The following SDC3 variants were observed in gnomAD, a reference collection of about 807,000 sequenced individuals.
The protein encoded by SDC3 is syndecan 3.
A neutral mutation model predicts 24.4 loss-of-function variants in SDC3; 13 were observed. The observed-to-expected ratio is 0.53, with a 90% CI of 0.35 to 0.85. The LOEUF (loss-of-function observed/expected upper bound fraction) is 0.85. Ranked by LOEUF, SDC3 falls within the 40% of genes least tolerant of loss-of-function variation. The probability of loss-of-function intolerance (pLI) is 0.01; values close to 1 mark genes in which losing one functional copy is unlikely to be tolerated. For missense variants in SDC3, 571 were observed against 584.5 expected, an observed-to-expected ratio of 0.98 and a Z score of 0.24; for synonymous variants, 295 against 260.9, an observed-to-expected ratio of 1.13 and a Z score of -1.26.
At chr1:30,883,990 C>T (rs1297997906) in intron 1 of SDC3, among the ~76,000 whole-genome samples, 2 of 152,122 alleles carry the variant, frequency 1.3e-5, no homozygotes, top group African/African-American at 2.4e-5. Context: ...AGAGCATCAC[C>T]GCAGGAATGT....
chr1:30,873,744 C>A (rs1165201522), intron 4 of SDC3, among the ~76,000 whole-genome samples: 1 of 152,140 alleles, frequency 6.6e-6, no homozygotes, highest in Non-Finnish European at 1.5e-5. Context: ...GAAGACTTAA[C>A]ATGTGAACAG....
chr1:30,878,345 T>A, intron 2 of SDC3: 1 of 332,352 alleles, frequency 3.0e-6, no homozygotes, highest in Non-Finnish European at 5.6e-6. Flanking sequence ...CCAAGCAAGG[T>A]CTGCAGAGAA....
At chr1:30,890,273 C>A (rs1279390943) in intron 1 of SDC3, among the ~76,000 whole-genome samples, 2 of 152,142 alleles carry the variant, frequency 1.3e-5, no homozygotes, top group Admixed American at 1.3e-4. Context: ...TGCCATTGCA[C>A]CCCAGCCTGG....
intron 1 of SDC3, among the ~76,000 whole-genome samples, chr1:30,891,749 A>T (rs1369883026): frequency 6.6e-6 from 1 of 151,742 alleles, no homozygotes; most frequent in South Asian, 2.1e-4. Flanking sequence ...GCTACTCAGA[A>T]GGCTGAGGCA....
rs1281061966 is a variant in SDC3 at position 30,869,746 on chromosome 1, T to C, written c.*3465A>G. On this transcript the variant is annotated 3_prime_UTR_variant, in exon 5 of 5. Transcript: ENST00000339394. ...GGGGAGAGAAGGGGCAGGGAAGGCC[T>C]GGGGGAGGGAATGGCAGACCCCCAC... 1.0e-5 allele frequency: 4 copies of C among 398,484 alleles called. 1 individual carries two copies. The highest frequency in any genetic ancestry group is 2.1e-5 in the African/African-American group (1 of 48,540). 24.7% of individuals were successfully genotyped at this position (398,484 alleles called of 1,614,324 possible).
intron 1 of SDC3, among the ~76,000 whole-genome samples, chr1:30,884,824 G>A (rs1004160488): frequency 1.3e-5 from 2 of 152,182 alleles, no homozygotes; most frequent in African/African-American, 4.8e-5. Context: ...TAATTTACGA[G>A]AGGGAAAAAA....
rs1039208171 is a variant in SDC3 at position 30,874,641 on chromosome 1, C to A, written c.871-53G>T. 5.2e-6 allele frequency: 8 copies of A among 1,545,710 alleles called. No homozygotes were observed. In the African/African-American group the frequency reaches 1.1e-4, roughly 21 times the overall value. On this transcript the variant is annotated intron_variant, in intron 3 of 4. Coordinates refer to ENST00000339394, the MANE Select transcript of SDC3 (RefSeq NM_014654.4). ...ACAACCACACATGCATGCATAACCC[C>A]CCACCACCATCCTACTGCCCTGGGG...
intron 1 of SDC3, among the ~76,000 whole-genome samples, chr1:30,880,170 T>C (rs1428452833): frequency 6.6e-6 from 1 of 151,996 alleles, no homozygotes; most frequent in African/African-American, 2.4e-5. Context: ...TCAGTAGCCA[T>C]CGACATGACA....
chr1:30,878,156 T>G (rs1032555995), intron 2 of SDC3: 1 of 157,158 alleles, frequency 6.4e-6, no homozygotes, highest in African/African-American at 2.4e-5. Context: ...AGTTGCTACA[T>G]GGCAGAGTGG....
intron 1 of SDC3, among the ~76,000 whole-genome samples, chr1:30,905,960 G>GAAACACACAC (rs150928809): frequency 6.8e-6 from 1 of 147,472 alleles, no homozygotes; most frequent in African/African-American, 2.5e-5. Context: ...AAGACACGAA[G>GAAACACACAC]ACACACACAC....
chr1:30,892,392 C>A (rs1051802899), intron 1 of SDC3, among the ~76,000 whole-genome samples: 2 of 152,088 alleles, frequency 1.3e-5, no homozygotes, highest in African/African-American at 4.8e-5. Flanking sequence ...GGAAGCTCCA[C>A]CAGGGCAAGG....
At position 30,873,332 on chromosome 1, in the gene SDC3, A is replaced by G. The variant is rs1448697428; in HGVS notation, c.1208T>C (p.Leu403Ser). The stretch of plus-strand genomic sequence containing the variant: ...CATACGATAGATGAGCAGTGTGACC[A>G]AGAAGGCAGCAAAGAGGGCGCCCAC... ...GVVGALFAAF[L>S]VTLLIYRMKK... The change falls in exon 5 of 5, where the codon TTG becomes TCG. Residue 403 changes from leucine (L) to serine (S), a missense_variant. Physicochemically the swap from Leu to Ser is moderately radical, Grantham distance 145 (BLOSUM62 -2). Around this residue, in one of 2 missense-constraint regions of SDC3, gnomAD observed 74 missense variants for 112.9 expected, o/e 0.66. Coordinates refer to ENST00000339394, the MANE Select transcript of SDC3 (RefSeq NM_014654.4). 6.2e-7 allele frequency: 1 copy of G among 1,613,826 alleles called. No homozygotes were observed. The highest frequency in any genetic ancestry group is 2.2e-5 in the East Asian group (1 of 44,880).
intron 1 of SDC3, among the ~76,000 whole-genome samples, chr1:30,888,380 G>T (rs1225362127): frequency 1.3e-5 from 2 of 152,150 alleles, no homozygotes; most frequent in Non-Finnish European, 2.9e-5. Flanking sequence ...AGGTGAGGGG[G>T]CTCCAGGGAC....
At chr1:30,899,547 T>C (rs754901276) in intron 1 of SDC3, among the ~76,000 whole-genome samples, 39 of 152,002 alleles carry the variant, frequency 2.6e-4, no homozygotes, top group Non-Finnish European at 4.9e-4. Context: ...AATTTTTGTG[T>C]CTTTAGTAGA....
In SDC3 at chr1:30,882,228, G is replaced by A. The variant is rs564226378; in HGVS notation, c.139-3488C>T. 8.5e-5 allele frequency among the ~76,000 whole-genome samples: 13 copies of A among 152,190 alleles called. No homozygotes were observed. In the South Asian group the frequency reaches 2.3e-3, roughly 27 times the overall value. On this transcript the variant is annotated intron_variant, in intron 1 of 4. Transcript: ENST00000339394. ...TCCACACACACATGCGCGCAAACAC[G>A]CACTTTCCTTCCGGGTACACACAAG... is the stretch of plus-strand genomic sequence containing the variant.
At position 30,876,682 on chromosome 1, in the gene SDC3, C is replaced by A. The variant is rs767793920; in HGVS notation, c.740G>T (p.Arg247Met). ...AVLDTEAPTP[R>M]LVSTATSRPR... Reference sequence around the variant, plus strand: ...CCGGGAGGTAGCTGTGCTGACCAGCCTGGGTGTTGGGGCCTCGGTGTCCAA... The same window carrying A: ...CCGGGAGGTAGCTGTGCTGACCAGCATGGGTGTTGGGGCCTCGGTGTCCAA... Residue 247 changes from arginine to methionine, a missense_variant, in exon 3 of 5, where the codon AGG (arginine) becomes ATG (methionine). Arg to Met is a moderately conservative substitution (Grantham distance 91). This residue lies in a region of SDC3 where 497 missense variants were observed against 471.6 expected (regional missense o/e 1.05). Transcript: ENST00000339394. 1.7e-5 allele frequency: 28 copies of A among 1,603,306 alleles called. No individual in the cohort carries two copies. The highest frequency in any genetic ancestry group is 2.2e-5 in the Non-Finnish European group (26 of 1,174,672).
intron 1 of SDC3, among the ~76,000 whole-genome samples, chr1:30,898,482 T>A (rs1337923634): frequency 6.6e-6 from 1 of 152,134 alleles, no homozygotes; most frequent in Non-Finnish European, 1.5e-5. Context: ...CAGTAAACAG[T>A]AGCACAGTGG....
chr1:30,882,246 C>A (rs1429346294), intron 1 of SDC3, among the ~76,000 whole-genome samples: 1 of 152,232 alleles, frequency 6.6e-6, no homozygotes, highest in East Asian at 1.9e-4. Flanking sequence ...CTTCCGGGTA[C>A]ACACAAGTGC....
intron 1 of SDC3, among the ~76,000 whole-genome samples, chr1:30,901,766 A>G (rs1366134825): frequency 2.6e-5 from 4 of 151,764 alleles, no homozygotes; most frequent in African/African-American, 9.7e-5. Context: ...CTTCAGTAAG[A>G]CCCAGAGAGG....
Sources: allele counts gnomAD v4.1 joint callset (sites outside exome capture counted in the v4.1 genomes callset), GRCh38; gene constraint gnomAD v4.1.1; regional missense constraint gnomAD v4.1.1; transcripts MANE v1.5; gene names NCBI Gene and HGNC (gene_info 2026-07-23, HGNC 2026-07-21).